The following ITPK1 variants were observed in gnomAD, a reference collection of about 807,000 sequenced individuals.
The protein encoded by ITPK1 is inositol 1,3,4-trisphosphate 5/6-kinase.
Under a neutral mutation model 45.3 loss-of-function variants are expected in ITPK1, and 21 were observed. The observed-to-expected ratio is 0.46, with a 90% confidence interval of 0.33 to 0.67. The LOEUF is 0.67. ITPK1 is among the 30% of genes least tolerant of loss of function. The pLI, the probability that ITPK1 is intolerant of heterozygous loss-of-function variation, is 0.02. For missense variants in ITPK1, 474 were observed against 573.5 expected, an observed-to-expected ratio of 0.83 and a Z score of 1.77; for synonymous variants, 258 against 253.6, an observed-to-expected ratio of 1.02 and a Z score of -0.16.
chr14:93,010,733 T>C (rs555845321), intron 4 of ITPK1, among the ~76,000 whole-genome samples: 2 of 152,340 alleles, frequency 1.3e-5, no homozygotes, highest in East Asian at 3.9e-4. Context: ...AATAATAATA[T>C]TGACATAAGC....
At chr14:93,079,459 C>T (rs977274131) in intron 2 of ITPK1, among the ~76,000 whole-genome samples, 3 of 152,168 alleles carry the variant, frequency 2.0e-5, no homozygotes, top group Non-Finnish European at 2.9e-5. Flanking sequence ...GGAGCTGGCC[C>T]GGAACAGGGC....
chr14:92,990,888 C>T (rs1003475867), intron 5 of ITPK1, among the ~76,000 whole-genome samples: 2 of 152,164 alleles, frequency 1.3e-5, no homozygotes, highest in Non-Finnish European at 2.9e-5. Context: ...TGGTCGTCTC[C>T]CTCCCACTGC....
Position 92,987,213 on chromosome 14 carries a change from C to A in ITPK1, c.364+6667G>T, listed in dbSNP as rs1418041718. Among the ~76,000 whole-genome samples, 4 of 152,232 alleles carry A rather than the reference C, an allele frequency of 2.6e-5. No homozygotes were observed. The East Asian group carries it at 7.7e-4, about 29-fold the overall frequency. Reference sequence around the variant, plus strand: ...TCTCACTACTCTCCAGGGACCCCTGCTGCAGCTAGGCCAGGGAAGAGGAGA... The same window carrying A: ...TCTCACTACTCTCCAGGGACCCCTGATGCAGCTAGGCCAGGGAAGAGGAGA... On this transcript the variant is annotated intron_variant, in intron 5 of 10. Coordinates refer to ENST00000267615, the MANE Select transcript of ITPK1 (RefSeq NM_014216.6).
At chr14:93,060,090 C>T (rs529157507) in intron 3 of ITPK1, among the ~76,000 whole-genome samples, 1 of 152,126 alleles carries the variant, frequency 6.6e-6, no homozygotes, top group South Asian at 2.1e-4. Context: ...ATTTAGTCCC[C>T]TCTCTCTCCC....
intron 10 of ITPK1, among the ~76,000 whole-genome samples, chr14:92,944,572 C>CTG (rs1887591097): frequency 6.6e-6 from 1 of 152,194 alleles, no homozygotes; most frequent in South Asian, 2.1e-4. Context: ...CCACCCTCTC[C>CTG]TGTCTCCTCC....
At position 93,019,399 on chromosome 14, in the gene ITPK1, G is replaced by A. The variant is rs1327154880; in HGVS notation, c.121-2598C>T. On this transcript the variant is annotated intron_variant, in intron 3 of 10. Transcript: ENST00000267615. ...ACAACCGCAGCTGTTTGGAAAATAA[G>A]CTCTCCGCATCCCCGGCGCTCCACT... Among the ~76,000 whole-genome samples, 6 of 152,340 alleles carry A rather than the reference G, an allele frequency of 3.9e-5. No homozygotes were observed. The East Asian group carries it at 5.8e-4, about 15-fold the overall frequency.
chr14:93,033,694 A>T (rs1449718807), intron 3 of ITPK1, among the ~76,000 whole-genome samples: 1 of 152,158 alleles, frequency 6.6e-6, no homozygotes, highest in Non-Finnish European at 1.5e-5. Context: ...GAGGAGAAAG[A>T]GGCGCTAGAG....
At chr14:93,106,673 T>C (rs1892538783) in intron 2 of ITPK1, among the ~76,000 whole-genome samples, 1 of 152,174 alleles carries the variant, frequency 6.6e-6, no homozygotes, top group South Asian at 2.1e-4. Context: ...AGTCACACCT[T>C]GCAGCATTTC....
chr14:93,079,669 G>A (rs935543479), intron 2 of ITPK1, among the ~76,000 whole-genome samples: 10 of 152,180 alleles, frequency 6.6e-5, no homozygotes, highest in Non-Finnish European at 1.5e-4. Context: ...ACAACCTGTC[G>A]GGGCTCATTT....
chr14:92,986,825 C>T (rs536493954), intron 5 of ITPK1, among the ~76,000 whole-genome samples: 95 of 152,300 alleles, frequency 6.2e-4, no homozygotes, highest in Non-Finnish European at 1.1e-3. Flanking sequence ...GCCAGCCAGT[C>T]GCCATGAGAG....
At chr14:92,969,650 C>A (rs1372384146) in intron 5 of ITPK1, among the ~76,000 whole-genome samples, 1 of 152,198 alleles carries the variant, frequency 6.6e-6, no homozygotes, top group African/African-American at 2.4e-5. Context: ...ACGAGAAGCT[C>A]GCAGTGGTGG....
At chr14:92,950,350 AAC>A (rs1290596728) in intron 9 of ITPK1, among the ~76,000 whole-genome samples, 1 of 152,238 alleles carries the variant, frequency 6.6e-6, no homozygotes, top group Non-Finnish European at 1.5e-5. Context: ...CGCACCTGGG[AAC>A]AGAGCTGGCT....
In ITPK1 at chr14:93,098,880, G is replaced by C. The variant is rs117977706; in HGVS notation, c.95+16189C>G. Among the ~76,000 whole-genome samples, 200 of 152,284 alleles carry C rather than the reference G, an allele frequency of 1.3e-3. 2 individuals carry two copies. In the East Asian group the frequency reaches 0.031, roughly 24 times the overall value. Reference sequence around the variant, plus strand: ...AAGCAGAGGCACCCACAGCAGTTAAGCAGGCCCGGGGCAAGGGGCTCTGAG... The same window carrying C: ...AAGCAGAGGCACCCACAGCAGTTAACCAGGCCCGGGGCAAGGGGCTCTGAG... On this transcript the variant is annotated intron_variant, in intron 2 of 10. Coordinates refer to ENST00000267615, the MANE Select transcript of ITPK1 (RefSeq NM_014216.6).
chr14:93,062,925 G>T (rs1004656326), intron 3 of ITPK1, among the ~76,000 whole-genome samples: 2 of 152,210 alleles, frequency 1.3e-5, no homozygotes, highest in Non-Finnish European at 2.9e-5. Flanking sequence ...GGTCCTGAGC[G>T]ATCCGGCGGA....
chr14:93,065,949 A>G (rs76702121), intron 3 of ITPK1, among the ~76,000 whole-genome samples: 144 of 152,356 alleles, frequency 9.5e-4, no homozygotes, highest in African/African-American at 3.4e-3. Flanking sequence ...GGGACACAGA[A>G]AAGCCTAACC....
chr14:93,010,149 C>T (rs967010698), intron 4 of ITPK1, among the ~76,000 whole-genome samples: 4 of 152,218 alleles, frequency 2.6e-5, no homozygotes, highest in Admixed American at 2.0e-4. Flanking sequence ...GGTTCTTACT[C>T]TGACCCCACT....
At chr14:92,996,746 C>A (rs1887076527) in intron 4 of ITPK1, among the ~76,000 whole-genome samples, 2 of 152,126 alleles carry the variant, frequency 1.3e-5, no homozygotes, top group South Asian at 2.1e-4. Flanking sequence ...GAGCTAAAGG[C>A]ACTTGGCTGT....
At chr14:93,022,073 A>G (rs1003780306) in intron 3 of ITPK1, among the ~76,000 whole-genome samples, 3 of 152,156 alleles carry the variant, frequency 2.0e-5, no homozygotes, top group Non-Finnish European at 4.4e-5. Flanking sequence ...CTGACATTAG[A>G]CCCAGAAAAG....
At position 92,957,757 on chromosome 14, in the gene ITPK1, T is replaced by A. The variant is rs140078181; in HGVS notation, c.670+444A>T. Among the ~76,000 whole-genome samples, 1,248 of 152,280 alleles carry A rather than the reference T, an allele frequency of 8.2e-3. 14 individuals carry two copies. Among genetic ancestry groups the A allele is most frequent in the African/African-American group, 0.028 (1,166 of 41,560 alleles). On this transcript the variant is annotated intron_variant, in intron 8 of 10. Coordinates refer to ENST00000267615, the MANE Select transcript of ITPK1 (RefSeq NM_014216.6). The stretch of plus-strand genomic sequence containing the variant: ...ATGCAGGTAGCAGCAGGCAACTCTG[T>A]CTCAGGCTCCCCAGGGGAAAATGAG...
Sources: allele counts gnomAD v4.1 joint callset (sites outside exome capture counted in the v4.1 genomes callset), GRCh38; gene constraint gnomAD v4.1.1; transcripts MANE v1.5; gene names NCBI Gene and HGNC (gene_info 2026-07-23, HGNC 2026-07-21).